Variants in HADHB observed in about 807,000 individuals in gnomAD.
HADHB encodes trifunctional enzyme subunit beta, mitochondrial.
A neutral mutation model predicts 61.9 loss-of-function variants in HADHB; 50 were observed. That is an observed-to-expected ratio of 0.81 (90% CI 0.64 to 1.02). The LOEUF (loss-of-function observed/expected upper bound fraction) is 1.02. Among genes scored for constraint, HADHB ranks in the 50% least tolerant of loss-of-function variants. The probability of loss-of-function intolerance (pLI) is 0.00; values close to 1 mark genes in which losing one functional copy is unlikely to be tolerated. For missense variants in HADHB, 504 were observed against 586.5 expected (o/e 0.86, Z 1.45); for synonymous variants, 191 against 201.6 (o/e 0.95, Z 0.45).
chr2:26,247,063 A>G (rs1671196716), intron 1 of HADHB, among the ~76,000 whole-genome samples: 1 of 152,226 alleles, frequency 6.6e-6, no homozygotes, highest in Non-Finnish European at 1.5e-5. Flanking sequence ...TCTCTTAACC[A>G]TTACGTTGTG....
chr2:26,261,234 CA>C, intron 3 of HADHB: 5 of 460,010 alleles, frequency 1.1e-5, no homozygotes, highest in East Asian at 3.1e-5. Flanking sequence ...TCCAGACAAA[CA>C]AAAAAAGTAT....
chr2:26,279,005 T>C, intron 8 of HADHB, 130 bp from the exon 9 acceptor site: 2 of 931,404 alleles, frequency 2.1e-6, no homozygotes, highest in Non-Finnish European at 3.5e-6. Context: ...GATCCTCTGC[T>C]TGTCTTGGAC....
At chr2:26,245,936 C>T (rs764888977) in intron 1 of HADHB, among the ~76,000 whole-genome samples, 3 of 152,186 alleles carry the variant, frequency 2.0e-5, no homozygotes, top group Admixed American at 6.5e-5. Context: ...AAGTCTGAGT[C>T]TCACTACTCG....
intron 1 of HADHB, chr2:26,245,352 C>T (rs1211850093): frequency 2.0e-5 from 3 of 153,214 alleles, no homozygotes; most frequent in South Asian, 2.0e-4. Context: ...TGTTGTTTCG[C>T]CTGCTTCCCC....
At chr2:26,246,951 T>TGCGTGTGTGTGTGTGCGC (rs1471868207) in intron 1 of HADHB, among the ~76,000 whole-genome samples, 6 of 152,324 alleles carry the variant, frequency 3.9e-5, no homozygotes, top group East Asian at 1.9e-4. Context: ...TGGGTGTGCG[T>TGCGTGTGTGTGTGTGCGC]GCGTGTGTGT....
At chr2:26,254,507 TTAAATGTTAGATTCCA>T in intron 3 of HADHB, 33 bp downstream of exon 3, 2 of 1,390,516 alleles carry the variant, frequency 1.4e-6, no homozygotes, top group East Asian at 4.6e-5. Context: ...TATTTCTGAT[TTAAATGTTAGATTCCA>T]GATTCTATAG....
intron 15 of HADHB, among the ~76,000 whole-genome samples, chr2:26,287,571 G>A (rs1392389551): frequency 2.0e-5 from 3 of 152,138 alleles, no homozygotes; most frequent in Admixed American, 6.5e-5. Context: ...GGATGAACAA[G>A]GAATAATACC....
intron 3 of HADHB, among the ~76,000 whole-genome samples, chr2:26,255,485 C>G (rs183264319): frequency 6.9e-5 from 10 of 144,788 alleles, no homozygotes; most frequent in Admixed American, 1.4e-4. Context: ...GGTGACAGAG[C>G]GAGACTCCGG....
chr2:26,248,456 CT>C (rs1269732885), intron 1 of HADHB, among the ~76,000 whole-genome samples: 4 of 152,122 alleles, frequency 2.6e-5, no homozygotes, highest in African/African-American at 4.8e-5. Context: ...GCCACCACCC[CT>C]GGCCCACCTT....
At chr2:26,273,778 A>T in intron 6 of HADHB, 28 bp downstream of exon 6, 1 of 1,090,580 alleles carries the variant, frequency 9.2e-7, no homozygotes, top group Non-Finnish European at 1.4e-6. Context: ...TATGTTGTTT[A>T]AAGAGTGATA....
intron 4 of HADHB, among the ~76,000 whole-genome samples, chr2:26,263,883 T>C (rs1338694813): frequency 6.6e-6 from 1 of 152,128 alleles, no homozygotes; most frequent in Non-Finnish European, 1.5e-5. Context: ...CTGGAAATTA[T>C]TAAAATTGGA....
In HADHB at chr2:26,253,541, T is replaced by C. The variant is rs189310271; in HGVS notation, c.-8-706T>C. Among the ~76,000 whole-genome samples the C allele has an allele frequency of 1.4e-3, 220 of 152,204 alleles. 1 individual carries two copies. Among genetic ancestry groups the C allele is most frequent in the African/African-American group, 5.2e-3 (214 of 41,522 alleles). On this transcript the variant is annotated intron_variant, in intron 1 of 15. Transcript: ENST00000317799. ...AGGAGAGGAGCACACACTCTAGAGG[T>C]AGACTTCCTAGGTTCAAATTCCAGC... is the stretch of plus-strand genomic sequence containing the variant.
At chr2:26,258,448 A>G (rs1486621811) in intron 3 of HADHB, among the ~76,000 whole-genome samples, 1 of 152,226 alleles carries the variant, frequency 6.6e-6, no homozygotes, top group Non-Finnish European at 1.5e-5. Flanking sequence ...GAACCTGGGC[A>G]CTTGGCCGCA....
Position 26,289,948 on chromosome 2 carries a change from A to C in HADHB, c.1420A>C (p.Lys474Gln), listed in dbSNP as rs1673197263. The change falls in exon 16 of 16, where the codon AAA (lysine) becomes CAA (glutamine). Residue 474 changes from lysine (K) to glutamine (Q), a missense_variant. Physicochemically the swap from Lys to Gln is moderately conservative, Grantham distance 53 (BLOSUM62 1). Transcript: ENST00000317799. ...GHAMIVEAYP[K>Q] ...TGCTATGATAGTGGAAGCTTATCCA[A>C]AATAATAGATCCAGAAGAAGTGACC... 2 of 1,606,532 alleles carry C rather than the reference A, an allele frequency of 1.2e-6. No homozygotes were observed. The highest frequency in any genetic ancestry group is 3.3e-5 in the Admixed American group (2 of 60,000).
intron 5 of HADHB, 120 bp downstream of exon 5, chr2:26,270,117 C>G (rs973070095): frequency 1.7e-5 from 13 of 762,938 alleles, no homozygotes; most frequent in Admixed American, 3.9e-5. Context: ...ATTTAAGCAG[C>G]TTATGAATAT....
chr2:26,266,871 C>CAAAAAAAAAAAAAAAAAAAA (rs56401595), intron 4 of HADHB, among the ~76,000 whole-genome samples: 1 of 45,416 alleles, frequency 2.2e-5, no homozygotes, highest in Non-Finnish European at 3.8e-5. Flanking sequence ...CACTCTCTCT[C>CAAAAAAAAAAAAAAAAAAAA]AAAAAAAAAA....
At chr2:26,259,350 G>A (rs1414941902) in intron 3 of HADHB, among the ~76,000 whole-genome samples, 1 of 152,246 alleles carries the variant, frequency 6.6e-6, no homozygotes, top group African/African-American at 2.4e-5. Context: ...CTTTTATTCA[G>A]TGTAGGCACA....
At chr2:26,278,488 A>G in intron 7 of HADHB, 126 bp from the exon 8 acceptor site, 1 of 812,968 alleles carries the variant, frequency 1.2e-6, no homozygotes, top group Non-Finnish European at 2.1e-6. Context: ...AAAGTTGAAA[A>G]CTTTAATTAC....
chr2:26,262,629 G>A (rs575808968), intron 3 of HADHB, among the ~76,000 whole-genome samples: 2 of 152,340 alleles, frequency 1.3e-5, no homozygotes, highest in East Asian at 1.9e-4. Flanking sequence ...TAGGCATGTA[G>A]ATTTTTGCAG....
Sources: allele counts gnomAD v4.1 joint callset (sites outside exome capture counted in the v4.1 genomes callset), GRCh38; gene constraint gnomAD v4.1.1; transcripts MANE v1.5; gene names NCBI Gene and HGNC (gene_info 2026-07-23, HGNC 2026-07-21).